RRM2B: variants seen among roughly 807,000 people sequenced by gnomAD.
RRM2B encodes the protein ribonucleoside-diphosphate reductase subunit M2 B.
Under a neutral mutation model 45.9 loss-of-function variants are expected in RRM2B, and 20 were observed. The observed-to-expected ratio is 0.44, with a 90% confidence interval of 0.31 to 0.63. The LOEUF (loss-of-function observed/expected upper bound fraction) is 0.63, where lower values mean the gene tolerates loss of function less well. RRM2B is among the 30% of genes least tolerant of loss of function. The pLI, the probability that RRM2B is intolerant of heterozygous loss-of-function variation, is 0.09. For missense variants in RRM2B, 320 were observed against 414.7 expected, an observed-to-expected ratio of 0.77 and a Z score of 1.98; for synonymous variants, 124 against 132.3, an observed-to-expected ratio of 0.94 and a Z score of 0.43.
At chr8:102,211,068 G>A (rs1276449243) in intron 8 of RRM2B, among the ~76,000 whole-genome samples, 2 of 151,206 alleles carry the variant, frequency 1.3e-5, no homozygotes, top group Middle Eastern at 3.4e-3. Flanking sequence ...CTGGAGTGCC[G>A]TGGCACAATC....
At chr8:102,218,162 G>A (rs1409711384) in intron 6 of RRM2B, among the ~76,000 whole-genome samples, 1 of 152,208 alleles carries the variant, frequency 6.6e-6, no homozygotes, top group African/African-American at 2.4e-5. Flanking sequence ...CTGGGACAAA[G>A]GGTAGGTTTT....
At chr8:102,219,373 A>G (rs1304538079) in intron 5 of RRM2B, among the ~76,000 whole-genome samples, 1 of 152,228 alleles carries the variant, frequency 6.6e-6, no homozygotes, top group African/African-American at 2.4e-5. Context: ...GCTTAAGTTT[A>G]TATTTTTAGA....
At chr8:102,211,685 AAC>A (rs1810638275) in intron 8 of RRM2B, among the ~76,000 whole-genome samples, 1 of 152,246 alleles carries the variant, frequency 6.6e-6, no homozygotes, top group Non-Finnish European at 1.5e-5. Context: ...GTTATGAACA[AAC>A]ACAATTTCTT....
chr8:102,212,708 T>C (rs1810656105), intron 8 of RRM2B, 68 bp downstream of exon 8: 1 of 817,644 alleles, frequency 1.2e-6, no homozygotes, highest in Non-Finnish European at 2.1e-6. Flanking sequence ...TTTCAGTAAA[T>C]TATACTTTAG....
intron 5 of RRM2B, among the ~76,000 whole-genome samples, chr8:102,221,458 T>G (rs545338117): frequency 1.3e-5 from 2 of 152,162 alleles, no homozygotes; most frequent in East Asian, 3.9e-4. Context: ...CTTCCTCAGC[T>G]GGTTAAAGGA....
chr8:102,209,331 T>C (rs894885485), intron 8 of RRM2B, among the ~76,000 whole-genome samples: 2 of 152,112 alleles, frequency 1.3e-5, no homozygotes, highest in East Asian at 3.8e-4. Flanking sequence ...ATGGGCAGAG[T>C]GTCTAAATAG....
At chr8:102,217,835 A>G (rs1013956520) in intron 6 of RRM2B, among the ~76,000 whole-genome samples, 2 of 152,042 alleles carry the variant, frequency 1.3e-5, no homozygotes, top group South Asian at 4.1e-4. Context: ...TTTAAAAAAA[A>G]AAAAAGGGGT....
At chr8:102,236,880 A>G (rs1361973898) in intron 1 of RRM2B, among the ~76,000 whole-genome samples, 1 of 152,140 alleles carries the variant, frequency 6.6e-6, no homozygotes, top group Non-Finnish European at 1.5e-5. Context: ...TTAGGTCAAG[A>G]TTTCCCAGCA....
In RRM2B at chr8:102,238,916, G is replaced by GCTC; in HGVS notation, c.-45_-43dup. 6.3e-7 allele frequency: 1 copy of GCTC among 1,598,888 alleles called. No homozygotes were observed. Among genetic ancestry groups the GCTC allele is most frequent in the Non-Finnish European group, 8.5e-7 (1 of 1,175,022 alleles). On this transcript the variant is annotated 5_prime_UTR_variant, in exon 1 of 9. Coordinates refer to ENST00000251810, the MANE Select transcript of RRM2B (RefSeq NM_015713.5). ...AAGCTACGGGCGCTGAGGGAACTGA[G>GCTC]CTCCTCAGGCCACCTCCAACTACGA...
chr8:102,216,997 C>T (rs1441196187), intron 6 of RRM2B, among the ~76,000 whole-genome samples: 2 of 151,886 alleles, frequency 1.3e-5, no homozygotes, highest in East Asian at 3.9e-4. Flanking sequence ...TGTGATCAAG[C>T]TTAGGAAAAT....
intron 8 of RRM2B, 62 bp downstream of exon 8, chr8:102,212,714 T>TTGCTTCAGTAAA: frequency 1.2e-6 from 1 of 852,100 alleles, no homozygotes; most frequent in Non-Finnish European, 2.0e-6. Context: ...TAAATTATAC[T>TTGCTTCAGTAAA]TTAGGGTCCT....
At chr8:102,209,309 C>T (rs1810597176) in intron 8 of RRM2B, among the ~76,000 whole-genome samples, 1 of 152,044 alleles carries the variant, frequency 6.6e-6, no homozygotes, top group East Asian at 1.9e-4. Flanking sequence ...TTCAAGTAAC[C>T]CAATTTTAAA....
rs1435885315 is a variant in RRM2B at position 102,206,171 on chromosome 8, A to T, written c.*1962T>A. 2.6e-5 allele frequency: 4 copies of T among 152,212 alleles called. No individual in the cohort carries two copies. The highest frequency in any genetic ancestry group is 4.8e-5 in the African/African-American group (2 of 41,552). 9.4% of individuals were successfully genotyped at this position (152,212 alleles called of 1,614,324 possible). ...TATATATTTAAAGTATATTCAATTA[A>T]TGAGGAAATAGACAAAAGCAAATCA... On this transcript the variant is annotated 3_prime_UTR_variant, in exon 9 of 9. Coordinates refer to ENST00000251810, the MANE Select transcript of RRM2B (RefSeq NM_015713.5).
Position 102,218,804 on chromosome 8 carries a change from C to T in RRM2B, c.684+10G>A. 6.2e-7 allele frequency: 1 copy of T among 1,601,884 alleles called. No homozygotes were observed. Among genetic ancestry groups the T allele is most frequent in the Non-Finnish European group, 8.6e-7 (1 of 1,169,506 alleles). On this transcript the variant is annotated intron_variant, in intron 6 of 8. Coordinates refer to ENST00000251810, the MANE Select transcript of RRM2B (RefSeq NM_015713.5). ...TACAAATATAACTAGAAAAACATTC[C>T]ATTCCTTACTTCATCTCTGCTGATG...
In RRM2B at chr8:102,232,182, T is replaced by C. The variant is rs1811042389; in HGVS notation, c.171A>G (p.Lys57=). 1 of 1,614,194 alleles carries C rather than the reference T, an allele frequency of 6.2e-7. No homozygotes were observed. Among genetic ancestry groups the C allele is most frequent in the East Asian group, 2.2e-5 (1 of 44,886 alleles). Residue 57 remains lysine (K), a synonymous_variant, in exon 2 of 9, where the codon AAA becomes AAG. Coordinates refer to ENST00000251810, the MANE Select transcript of RRM2B (RefSeq NM_015713.5). ...IQYPDIWKMY[K]QAQASFWTAE... is the part of the protein sequence containing the mutation. ...CTGTCCAGAAGGAAGCCTGTGCCTG[T>C]TTATACATTTTCCAAATATCAGGGT...
intron 1 of RRM2B, 161 bp downstream of exon 1, chr8:102,238,666 C>A: frequency 6.5e-7 from 1 of 1,539,660 alleles, no homozygotes; most frequent in South Asian, 1.2e-5. Context: ...CGGGGACGGC[C>A]TCCCCGGCGC....
In RRM2B at chr8:102,224,137, T is replaced by C. The variant is rs1422525022; in HGVS notation, c.459A>G (p.Glu153=). The change falls in exon 5 of 9, where the codon GAA becomes GAG. Residue 153 remains glutamate, a synonymous_variant. Transcript: ENST00000251810. The part of the protein sequence containing the change: ...DTYIRDPKKR[E]FLFNAIETMP... ...TGGTTTCAATTGCATTAAATAAAAA[T>C]TCCCTGTAAAAACAAAAGAATGAAC... 5.6e-6 allele frequency: 9 copies of C among 1,600,434 alleles called. No homozygotes were observed. The highest frequency in any genetic ancestry group is 1.7e-5 in the Admixed American group (1 of 59,990).
At chr8:102,235,220 T>G (rs778825520) in intron 1 of RRM2B, among the ~76,000 whole-genome samples, 1 of 152,204 alleles carries the variant, frequency 6.6e-6, no homozygotes, top group Non-Finnish European at 1.5e-5. Flanking sequence ...TTGCCTGAAC[T>G]AGAAACACAC....
At chr8:102,238,718 G>C in intron 1 of RRM2B, 109 bp downstream of exon 1, 1 of 1,582,744 alleles carries the variant, frequency 6.3e-7, no homozygotes, top group Non-Finnish European at 8.6e-7. Context: ...CGGGCGGACA[G>C]GCCTGTCCTG....
Sources: gnomAD v4.1 joint callset for allele counts (sites outside exome capture counted in the v4.1 genomes callset) on GRCh38, gnomAD v4.1.1 for gene constraint, MANE v1.5 for transcripts, NCBI Gene and HGNC (gene_info 2026-07-23, HGNC 2026-07-21) for gene names.